The following WDR59 variants were observed in gnomAD, a reference collection of about 807,000 sequenced individuals.
WDR59 encodes GATOR2 complex protein WDR59.
In WDR59, 100 loss-of-function variants were observed where a neutral mutation model predicts 131.2. The ratio of observed to expected loss-of-function variants is 0.76; its 90% confidence interval spans 0.65 to 0.90. The LOEUF is 0.90. Among genes scored for constraint, WDR59 ranks in the 40% least tolerant of loss-of-function variants. The pLI is 0.00. For missense variants in WDR59, 1,203 were observed against 1,262.2 expected (o/e 0.95, Z 0.71); for synonymous variants, 601 against 466.2 (o/e 1.29, Z -3.72).
chr16:74,932,508 A>C (rs1254997211), intron 8 of WDR59, among the ~76,000 whole-genome samples: 1 of 151,700 alleles, frequency 6.6e-6, no homozygotes, highest in East Asian at 1.9e-4. Flanking sequence ...TATTTATCTG[A>C]GACAGGGTCT....
chr16:74,886,537 C>G, intron 23 of WDR59, 141 bp from the exon 24 acceptor site: 1 of 1,151,360 alleles, frequency 8.7e-7, no homozygotes, highest in Admixed American at 2.9e-5. Context: ...AGAAATATAA[C>G]TAAATAGAAC....
At chr16:74,940,535 G>T (rs1161706010) in intron 7 of WDR59, among the ~76,000 whole-genome samples, 1 of 152,134 alleles carries the variant, frequency 6.6e-6, no homozygotes, top group Non-Finnish European at 1.5e-5. Flanking sequence ...TCATACATGA[G>T]TCTGGATTAA....
intron 14 of WDR59, 54 bp from the exon 15 acceptor site, chr16:74,909,971 T>TC: frequency 1.7e-6 from 2 of 1,194,386 alleles, no homozygotes; most frequent in Non-Finnish European, 2.3e-6. Flanking sequence ...TCTGATAGGT[T>TC]TTTTTTTTTT....
chr16:74,940,926 G>T lies in WDR59; in HGVS notation c.534+1812C>A, dbSNP rs372121924. Among the ~76,000 whole-genome samples, 52 of 151,982 alleles carry T rather than the reference G, an allele frequency of 3.4e-4. 1 individual carries two copies. The East Asian group carries it at 7.6e-3, about 22-fold the overall frequency. The stretch of plus-strand genomic sequence containing the variant: ...TCACCATGTTAGCCAGGATGGTCTC[G>T]ATCTCCTGACCTCGTGATCCACCCG... On this transcript the variant is annotated intron_variant, in intron 7 of 25. Coordinates refer to ENST00000262144, the MANE Select transcript of WDR59 (RefSeq NM_030581.4).
intron 24 of WDR59, 37 bp from the exon 25 acceptor site, chr16:74,885,832 T>G: frequency 6.2e-7 from 1 of 1,602,768 alleles, no homozygotes. Flanking sequence ...TCAGTTCCTT[T>G]AAGAAAAAAC....
intron 6 of WDR59, among the ~76,000 whole-genome samples, chr16:74,947,980 G>A (rs1380801687): frequency 6.6e-6 from 1 of 152,068 alleles, no homozygotes; most frequent in Non-Finnish European, 1.5e-5. Flanking sequence ...TGAGGGAGGA[G>A]AATTGCTTGA....
intron 2 of WDR59, chr16:74,962,760 ATTTTTTC>A (rs1416132707): frequency 1.4e-5 from 2 of 138,102 alleles, no homozygotes; most frequent in African/African-American, 5.2e-5. Flanking sequence ...CTCTCTATTT[ATTTTTTC>A]TTTTTTCTTT....
intron 2 of WDR59, among the ~76,000 whole-genome samples, chr16:74,961,528 T>A (rs542793927): frequency 4.8e-4 from 73 of 152,340 alleles, no homozygotes; most frequent in African/African-American, 1.7e-3. Context: ...GGTTTTGATT[T>A]GCATTTCTCT....
At chr16:74,901,425 A>G (rs980891646) in intron 18 of WDR59, among the ~76,000 whole-genome samples, 7 of 150,816 alleles carry the variant, frequency 4.6e-5, no homozygotes, top group Non-Finnish European at 1.0e-4. Flanking sequence ...TGAAGACCTA[A>G]ACACAGAGAA....
chr16:74,894,536 C>A (rs182430632), intron 18 of WDR59, among the ~76,000 whole-genome samples: 8 of 152,172 alleles, frequency 5.3e-5, no homozygotes, highest in Admixed American at 1.3e-4. Flanking sequence ...CAGAGCACAG[C>A]CCCATCTGGA....
At chr16:74,983,476 A>T (rs1432800776) in intron 1 of WDR59, among the ~76,000 whole-genome samples, 1 of 152,138 alleles carries the variant, frequency 6.6e-6, no homozygotes, top group Non-Finnish European at 1.5e-5. Flanking sequence ...CTGTCTCAAA[A>T]AAAAAGGTAA....
At chr16:74,964,145 A>G (rs908417243) in intron 2 of WDR59, among the ~76,000 whole-genome samples, 9 of 152,082 alleles carry the variant, frequency 5.9e-5, no homozygotes, top group African/African-American at 2.2e-4. Flanking sequence ...CTTTGGGAGA[A>G]TAAGCCGGGC....
At position 74,918,022 on chromosome 16, in the gene WDR59, A is replaced by C. The variant is rs1966476528; in HGVS notation, c.887-14T>G. ...AGTCCTTGGACCCTAGAAATCACCA[A>C]ATAAGAATCCTGGAAATTCTTCTGG... On this transcript the variant is annotated splice_polypyrimidine_tract_variant and intron_variant, in intron 10 of 25. Coordinates refer to ENST00000262144, the MANE Select transcript of WDR59 (RefSeq NM_030581.4). 6.2e-7 allele frequency: 1 copy of C among 1,612,136 alleles called. No individual in the cohort carries two copies. The highest frequency in any genetic ancestry group is 1.3e-5 in the African/African-American group (1 of 74,832).
intron 1 of WDR59, among the ~76,000 whole-genome samples, chr16:74,981,395 C>A (rs117005059): frequency 0.071 from 10,294 of 144,138 alleles, 489 homozygotes; most frequent in Non-Finnish European, 0.11. Flanking sequence ...ACAAAAAAAA[C>A]ACACACACAC....
chr16:74,936,861 C>T (rs555714296), intron 8 of WDR59, among the ~76,000 whole-genome samples: 51 of 151,776 alleles, frequency 3.4e-4, no homozygotes, highest in Non-Finnish European at 6.5e-4. Flanking sequence ...AAAAATCAAA[C>T]GTAATACGAA....
chr16:74,938,781 C>T lies in WDR59; in HGVS notation c.535-515G>A, dbSNP rs543224008. 1.1e-4 allele frequency among the ~76,000 whole-genome samples: 16 copies of T among 151,706 alleles called. No homozygotes were observed. In the South Asian group the frequency reaches 3.1e-3, roughly 30 times the overall value. On this transcript the variant is annotated intron_variant, in intron 7 of 25. Coordinates refer to ENST00000262144, the MANE Select transcript of WDR59 (RefSeq NM_030581.4). ...TTGAACTCCTGGGCTCAAGCGAACCCCCTGCTTTGGCCTCCCAAAGTGTCT... is the reference window on the plus strand; with the variant it reads ...TTGAACTCCTGGGCTCAAGCGAACCTCCTGCTTTGGCCTCCCAAAGTGTCT...
intron 23 of WDR59, among the ~76,000 whole-genome samples, chr16:74,887,446 T>G (rs748754122): frequency 6.6e-5 from 10 of 152,132 alleles, no homozygotes; most frequent in Non-Finnish European, 1.0e-4. Flanking sequence ...AGTCCCATTG[T>G]CAGTTTCTCA....
chr16:74,967,553 T>A (rs1209248676), intron 1 of WDR59, among the ~76,000 whole-genome samples: 1 of 152,112 alleles, frequency 6.6e-6, no homozygotes, highest in Non-Finnish European at 1.5e-5. Context: ...AAGGTCCCAA[T>A]CAATTGACCT....
intron 16 of WDR59, among the ~76,000 whole-genome samples, 181 bp from the exon 17 acceptor site, chr16:74,909,158 A>G (rs11862494): frequency 0.99 from 150,925 of 151,886 alleles, 74,992 homozygotes; most frequent in Middle Eastern, 1. Flanking sequence ...GCGCTCCAGG[A>G]TCCAGGAGAG....
Sources: allele counts gnomAD v4.1 joint callset (sites outside exome capture counted in the v4.1 genomes callset), GRCh38; gene constraint gnomAD v4.1.1; transcripts MANE v1.5; gene names NCBI Gene and HGNC (gene_info 2026-07-23, HGNC 2026-07-21).